The following NXPE2 variants were observed in gnomAD, a reference collection of about 807,000 sequenced individuals.
The protein encoded by NXPE2 is neurexophilin and PC-esterase domain family member 2.
A neutral mutation model predicts 34.4 loss-of-function variants in NXPE2; 34 were observed. That is an observed-to-expected ratio of 0.99 (90% CI 0.75 to 1.31). The LOEUF is 1.31. Among genes scored for constraint, NXPE2 ranks in the 40% most tolerant of loss-of-function variants. The probability of loss-of-function intolerance (pLI) is 0.00; values close to 1 mark genes in which losing one functional copy is unlikely to be tolerated. For missense variants in NXPE2, 649 were observed against 672.5 expected (o/e 0.97, Z 0.39); for synonymous variants, 235 against 231.3 (o/e 1.02, Z -0.15).
At chr11:114,548,716 T>G in the NXPE2 span, among the ~76,000 whole-genome samples, 6 of 151,716 alleles carry the variant, frequency 4.0e-5, no homozygotes, top group African/African-American at 1.4e-4. Context: ...GAGATAAAAC[T>G]AAATGAATTA....
the NXPE2 span, chr11:114,594,776 G>T: frequency 2.3e-6 from 3 of 1,290,182 alleles, no homozygotes; most frequent in South Asian, 3.8e-5. Flanking sequence ...GATCCTACAA[G>T]AGACAATACA....
the NXPE2 span, among the ~76,000 whole-genome samples, chr11:114,623,689 G>A: frequency 9.2e-5 from 14 of 152,068 alleles, no homozygotes; most frequent in South Asian, 6.2e-4. Context: ...GCATTGCCTC[G>A]TGGGAAAACA....
chr11:114,726,471 G>C, the NXPE2 span, among the ~76,000 whole-genome samples: 1 of 151,916 alleles, frequency 6.6e-6, no homozygotes, highest in Non-Finnish European at 1.5e-5. Flanking sequence ...CTCAGCCTCT[G>C]AAAGCATTGG....
the NXPE2 span, chr11:114,528,835 G>T: frequency 3.0e-6 from 2 of 676,984 alleles, no homozygotes; most frequent in East Asian, 2.7e-5. Context: ...GTGCCATCCT[G>T]AGAAGAGAAA....
At chr11:114,654,659 T>G in the NXPE2 span, among the ~76,000 whole-genome samples, 4 of 152,222 alleles carry the variant, frequency 2.6e-5, no homozygotes, top group Non-Finnish European at 4.4e-5. Flanking sequence ...TCGTTCCTTT[T>G]TTATGGATGC....
At chr11:114,738,066 C>T in the NXPE2 span, among the ~76,000 whole-genome samples, 1 of 152,064 alleles carries the variant, frequency 6.6e-6, no homozygotes, top group Non-Finnish European at 1.5e-5. Flanking sequence ...CAGCTTGGGC[C>T]ACAGAGTGAG....
the NXPE2 span, among the ~76,000 whole-genome samples, chr11:114,631,535 AG>A: frequency 3.2e-5 from 2 of 62,386 alleles, no homozygotes; most frequent in Non-Finnish European, 5.8e-5. Flanking sequence ...GGGTGGGGGG[AG>A]GGGGGAGGGA....
the NXPE2 span, chr11:114,526,549 C>G: frequency 1.3e-5 from 2 of 152,146 alleles, no homozygotes; most frequent in African/African-American, 4.8e-5. Flanking sequence ...GCTTTCAAGT[C>G]TACTGAATAA....
At chr11:114,792,015 A>G in the NXPE2 span, among the ~76,000 whole-genome samples, 1 of 152,254 alleles carries the variant, frequency 6.6e-6, no homozygotes, top group Admixed American at 6.5e-5. Flanking sequence ...CCGAGATCGC[A>G]CCACTGCACT....
At chr11:114,695,818 A>C (rs917603893) in intron 2 of NXPE2, among the ~76,000 whole-genome samples, 7 of 105,644 alleles carry the variant, frequency 6.6e-5, no homozygotes, top group Non-Finnish European at 1.4e-4. Flanking sequence ...TGGTGAAAGA[A>C]CGTCTCTACT....
chr11:114,628,068 A>T, the NXPE2 span, among the ~76,000 whole-genome samples: 1 of 149,756 alleles, frequency 6.7e-6, no homozygotes, highest in Non-Finnish European at 1.5e-5. Context: ...CACGTTAATA[A>T]TGGGAGACTT....
At chr11:114,626,322 G>C in the NXPE2 span, among the ~76,000 whole-genome samples, 1 of 152,218 alleles carries the variant, frequency 6.6e-6, no homozygotes, top group Non-Finnish European at 1.5e-5. Flanking sequence ...CACACAGCTG[G>C]AGATCTGAGA....
the NXPE2 span, among the ~76,000 whole-genome samples, chr11:114,498,066 TTAAG>T: frequency 6.6e-6 from 1 of 152,262 alleles, no homozygotes; most frequent in South Asian, 2.1e-4. Flanking sequence ...GTTAAATTTC[TTAAG>T]TGATTACTGT....
chr11:114,724,152 G>A, the NXPE2 span, among the ~76,000 whole-genome samples: 3 of 152,160 alleles, frequency 2.0e-5, no homozygotes, highest in African/African-American at 7.2e-5. Flanking sequence ...TGAGGAGACT[G>A]AAGGCCAAAG....
At chr11:114,584,908 A>C in the NXPE2 span, among the ~76,000 whole-genome samples, 1 of 152,146 alleles carries the variant, frequency 6.6e-6, no homozygotes, top group Admixed American at 6.6e-5. Context: ...ATCCCTCTGC[A>C]GGTCTTAACT....
At chr11:114,701,304 C>G (rs1239869845) in intron 3 of NXPE2, among the ~76,000 whole-genome samples, 1 of 152,114 alleles carries the variant, frequency 6.6e-6, no homozygotes, top group Non-Finnish European at 1.5e-5. Context: ...CTGGATCCCT[C>G]TTGAGGTGGT....
At chr11:114,663,637 C>CTATCATCTATCT in the NXPE2 span, among the ~76,000 whole-genome samples, 1 of 138,754 alleles carries the variant, frequency 7.2e-6, no homozygotes. Flanking sequence ...ATCTATCTAT[C>CTATCATCTATCT]ATCTATCCAT....
the NXPE2 span, among the ~76,000 whole-genome samples, chr11:114,798,802 A>T: frequency 6.6e-6 from 1 of 152,074 alleles, no homozygotes; most frequent in South Asian, 2.1e-4. Flanking sequence ...CTTTGTTAAC[A>T]TTTCATCTAG....
chr11:114,801,978 A>G, the NXPE2 span, among the ~76,000 whole-genome samples: 1 of 152,210 alleles, frequency 6.6e-6, no homozygotes, highest in Non-Finnish European at 1.5e-5. Flanking sequence ...GGCTACACTT[A>G]TAAATTTACA....
Sources: gnomAD v4.1 joint callset for allele counts (sites outside exome capture counted in the v4.1 genomes callset) on GRCh38, gnomAD v4.1.1 for gene constraint, MANE v1.5 for transcripts, NCBI Gene and HGNC (gene_info 2026-07-23, HGNC 2026-07-21) for gene names.